Variants in ALB observed in about 807,000 individuals in gnomAD.
ALB encodes the protein serum albumin.
ALB carries 37 observed loss-of-function variants against 74.5 expected under a neutral mutation model. The observed-to-expected ratio is 0.50, with a 90% confidence interval of 0.38 to 0.65. The LOEUF (loss-of-function observed/expected upper bound fraction) is 0.65. ALB is among the 30% of genes least tolerant of loss of function. The pLI, the probability that ALB is intolerant of heterozygous loss-of-function variation, is 0.00. For synonymous variants in ALB, 249 were observed against 251.6 expected, an observed-to-expected ratio of 0.99 and a Z score of 0.10; for missense variants, 685 against 718.7, an observed-to-expected ratio of 0.95 and a Z score of 0.54.
In ALB at chr4:73,406,613, A is replaced by G. The variant is rs367783945; in HGVS notation, c.138-16A>G. 3.1e-6 allele frequency: 5 copies of G among 1,612,988 alleles called. No individual in the cohort carries two copies. Among genetic ancestry groups the G allele is most frequent in the Non-Finnish European group, 4.2e-6 (5 of 1,179,692 alleles). ...AAGTTTTATTATACTACATTTTTCT[A>G]CATCCTTTGTTTCAGGGTGTTGATT... is the stretch of plus-strand genomic sequence containing the variant. On this transcript the variant is annotated splice_polypyrimidine_tract_variant and intron_variant, in intron 2 of 14. Transcript: ENST00000295897.
chr4:73,404,618 CTG>C (rs1427012224), intron 1 of ALB, among the ~76,000 whole-genome samples: 1 of 151,258 alleles, frequency 6.6e-6, no homozygotes, highest in Non-Finnish European at 1.5e-5. Flanking sequence ...TGTTTAGTGA[CTG>C]TAATTTTCTT....
In ALB at chr4:73,418,330, C is replaced by T. The variant is rs992457278; in HGVS notation, c.1652+19C>T. 1.3e-5 allele frequency: 20 copies of T among 1,597,618 alleles called. No individual in the cohort carries two copies. The highest frequency in any genetic ancestry group is 1.6e-5 in the Non-Finnish European group (19 of 1,167,420). On this transcript the variant is annotated intron_variant, in intron 12 of 14. Coordinates refer to ENST00000295897, the MANE Select transcript of ALB (RefSeq NM_000477.7). ...AACAAACGTGAGGAGTATTTCATTA[C>T]TGCATGTGTTTGTAGTCTTGATAGC...
chr4:73,420,378 C>G lies in ALB; in HGVS notation c.*23+57C>G. 3.4e-6 allele frequency: 4 copies of G among 1,185,698 alleles called. No individual in the cohort carries two copies. In the South Asian group the frequency reaches 5.4e-5, roughly 16 times the overall value. The allele number at this position is 1,185,698 out of a possible 1,614,324, so 73.4% of individuals were successfully genotyped here. A position where few individuals can be genotyped will look rare whatever the true frequency, so the allele number is the denominator to read the frequency against. On this transcript the variant is annotated intron_variant, in intron 14 of 14. Coordinates refer to ENST00000295897, the MANE Select transcript of ALB (RefSeq NM_000477.7). The stretch of plus-strand genomic sequence containing the variant: ...ACTATAATAGTTATTATTAAAATAG[C>G]AAAGATTGACCATTTCCAAGAGCCA...
Position 73,418,237 on chromosome 4 carries a change from T to TA in ALB, c.1580dup (p.Asn527LysfsTer3), listed in dbSNP as rs1719066851. The TA allele has an allele frequency of 6.2e-7, 1 of 1,614,162 alleles. No individual in the cohort carries two copies. The highest frequency in any genetic ancestry group is 8.5e-7 in the Non-Finnish European group (1 of 1,180,010). On this transcript the variant is annotated frameshift_variant, in exon 12 of 15. Coordinates refer to ENST00000295897, the MANE Select transcript of ALB (RefSeq NM_000477.7). LOFTEE classifies it high-confidence loss of function. ...ATGAAACATACGTTCCCAAAGAGTT[T>TA]AATGCTGAAACATTCACCTTCCATG...
At position 73,418,094 on chromosome 4, in the gene ALB, G is replaced by GT; in HGVS notation, c.1436dup (p.Val480GlyfsTer10). On this transcript the variant is annotated frameshift_variant, in exon 12 of 15. Transcript: ENST00000295897. LOFTEE classifies it high-confidence loss of function. The stretch of plus-strand genomic sequence containing the variant: ...TCTCCTGCCTGTTCTTTAGCTATCC[G>GT]TGGTCCTGAACCAGTTATGTGTGTT... The GT allele has an allele frequency of 1.2e-6, 2 of 1,613,950 alleles. No homozygotes were observed. The highest frequency in any genetic ancestry group is 1.7e-6 in the Non-Finnish European group (2 of 1,179,904).
chr4:73,404,334 T>C lies in ALB; in HGVS notation c.7T>C (p.Trp3Arg). MK[W>R]VTFISLLFLF... The stretch of plus-strand genomic sequence containing the variant: ...CCCACACGCCTTTGGCACAATGAAG[T>C]GGGTAACCTTTATTTCCCTTCTTTT... The change falls in exon 1 of 15, where the codon TGG (tryptophan) becomes CGG (arginine). Residue 3 changes from tryptophan (W) to arginine (R), a missense_variant. Trp to Arg is a moderately radical substitution (Grantham distance 101). Coordinates refer to ENST00000295897, the MANE Select transcript of ALB (RefSeq NM_000477.7). 1 of 1,613,618 alleles carries C rather than the reference T, an allele frequency of 6.2e-7. No homozygotes were observed. Among genetic ancestry groups the C allele is most frequent in the Non-Finnish European group, 8.5e-7 (1 of 1,179,600 alleles).
At chr4:73,413,382 C>A in intron 7 of ALB, 38 bp from the exon 8 acceptor site, 1 of 1,553,260 alleles carries the variant, frequency 6.4e-7, no homozygotes, top group South Asian at 1.1e-5. Flanking sequence ...GTAGCAATGT[C>A]AATTCGTGTT....
chr4:73,418,046 C>T (rs1719058686), intron 11 of ALB, 42 bp from the exon 12 acceptor site: 10 of 1,593,714 alleles, frequency 6.3e-6, no homozygotes, highest in Non-Finnish European at 7.7e-6. Context: ...AAATTTTCAG[C>T]TTCACCTCTT....
intron 12 of ALB, 103 bp downstream of exon 12, chr4:73,418,414 G>A (rs983915793): frequency 2.0e-6 from 2 of 1,011,876 alleles, no homozygotes; most frequent in Non-Finnish European, 3.0e-6. Context: ...ATTTCTTAGA[G>A]GAAAGTATTG....
intron 8 of ALB, among the ~76,000 whole-genome samples, 165 bp from the exon 9 acceptor site, chr4:73,414,870 T>TG (rs1225715161): frequency 6.6e-6 from 1 of 152,188 alleles, no homozygotes; most frequent in African/African-American, 2.4e-5. Context: ...AATTGAGCCT[T>TG]GGTAACTTTA....
chr4:73,411,924 T>A, intron 6 of ALB, 72 bp from the exon 7 acceptor site: 1 of 1,577,058 alleles, frequency 6.3e-7, no homozygotes, highest in Non-Finnish European at 8.7e-7. Flanking sequence ...TTATGAGAAA[T>A]AGTATTTGCC....
rs57705126 is a variant in ALB at position 73,417,525 on chromosome 4, T to C, written c.1290-6T>C. The C allele has an allele frequency of 6.3e-4, 1,023 of 1,614,072 alleles. 3 individuals carry two copies. Among genetic ancestry groups the C allele is most frequent in the African/African-American group, 5.6e-3 (422 of 75,046 alleles). ...TTGCTGAAAACACATGACTTCTTTT[T>C]TTCAGGCTATTAGTTCGTTACACCA... On this transcript the variant is annotated splice_region_variant and splice_polypyrimidine_tract_variant and intron_variant, in intron 10 of 14. Transcript: ENST00000295897.
chr4:73,411,865 G>T, intron 6 of ALB, 131 bp from the exon 7 acceptor site: 1 of 1,161,636 alleles, frequency 8.6e-7, no homozygotes, highest in Non-Finnish European at 1.2e-6. Context: ...TTCAGAACTA[G>T]AACTAATGAA....
intron 12 of ALB, among the ~76,000 whole-genome samples, chr4:73,418,768 G>T (rs1450279491): frequency 1.3e-5 from 2 of 152,150 alleles, no homozygotes; most frequent in Non-Finnish European, 2.9e-5. Flanking sequence ...AGAAATGCAA[G>T]CCCTGAAGCT....
At position 73,412,024 on chromosome 4, in the gene ALB, C is replaced by T. The variant is rs1259433502; in HGVS notation, c.742C>T (p.Pro248Ser). 1.2e-6 allele frequency: 2 copies of T among 1,613,982 alleles called. No individual in the cohort carries two copies. The highest frequency in any genetic ancestry group is 1.7e-5 in the Admixed American group (1 of 60,002). Residue 248 changes from proline (P) to serine (S), a missense_variant, in exon 7 of 15, where the codon CCC becomes TCC. By Grantham distance (74) the Pro-to-Ser change is moderately conservative (BLOSUM62 -1). Transcript: ENST00000295897. ...AGTAGCTCGCCTGAGCCAGAGATTT[C>T]CCAAAGCTGAGTTTGCAGAAGTTTC... ...WAVARLSQRF[P>S]KAEFAEVSKL...
Position 73,421,334 on chromosome 4 carries a change from T to C in ALB, c.*266T>C, listed in dbSNP as rs1313669299. 2.6e-6 allele frequency: 1 copy of C among 388,866 alleles called. No homozygotes were observed. The highest frequency in any genetic ancestry group is 4.5e-5 in the Admixed American group (1 of 22,142). The allele number at this position is 388,866 out of a possible 1,614,324, so 24.1% of individuals were successfully genotyped here. On this transcript the variant is annotated 3_prime_UTR_variant, in exon 15 of 15. Coordinates refer to ENST00000295897, the MANE Select transcript of ALB (RefSeq NM_000477.7). ...TCTGTAGGTTCTGTGGAAGTTCCAGTGTTCTCTCTTATTCCACTTCGGTAG... is the reference window on the plus strand; with the variant it reads ...TCTGTAGGTTCTGTGGAAGTTCCAGCGTTCTCTCTTATTCCACTTCGGTAG...
At chr4:73,413,897 G>A (rs538486000) in intron 8 of ALB, among the ~76,000 whole-genome samples, 1 of 152,280 alleles carries the variant, frequency 6.6e-6, no homozygotes, top group African/African-American at 2.4e-5. Flanking sequence ...AACATTTTGT[G>A]TATATATAAA....
intron 5 of ALB, 107 bp downstream of exon 5, chr4:73,409,594 T>A: frequency 1.4e-6 from 2 of 1,389,492 alleles, no homozygotes; most frequent in Non-Finnish European, 2.0e-6. Context: ...CTTTCCGACA[T>A]GGTCAAAAAA....
At position 73,419,492 on chromosome 4, in the gene ALB, T is replaced by C. The variant is rs768548009; in HGVS notation, c.1653-15T>C. The C allele has an allele frequency of 1.9e-6, 3 of 1,607,712 alleles. No homozygotes were observed. The highest frequency in any genetic ancestry group is 2.5e-6 in the Non-Finnish European group (3 of 1,177,942). Reference sequence around the variant, plus strand: ...TTTTTCTGTTTTTTTTTTTTCTTTTTCCATTCAAACTCAGTGCACTTGTTG... The same window carrying C: ...TTTTTCTGTTTTTTTTTTTTCTTTTCCCATTCAAACTCAGTGCACTTGTTG... On this transcript the variant is annotated splice_polypyrimidine_tract_variant and intron_variant, in intron 12 of 14. Transcript: ENST00000295897.
Sources: gnomAD v4.1 joint callset for allele counts (sites outside exome capture counted in the v4.1 genomes callset) on GRCh38, gnomAD v4.1.1 for gene constraint, MANE v1.5 for transcripts, NCBI Gene and HGNC (gene_info 2026-07-23, HGNC 2026-07-21) for gene names.